The following ATL1 variants were observed in gnomAD, a reference collection of about 807,000 sequenced individuals.
The protein encoded by ATL1 is atlastin GTPase 1.
A neutral mutation model predicts 75.5 loss-of-function variants in ATL1; 31 were observed. That is an observed-to-expected ratio of 0.41 (90% confidence interval 0.31 to 0.55). The LOEUF is 0.55. Among genes scored for constraint, ATL1 ranks in the 20% least tolerant of loss-of-function variants. The pLI, the probability that ATL1 is intolerant of heterozygous loss-of-function variation, is 0.27. For synonymous variants in ATL1, 226 were observed against 233.3 expected, an observed-to-expected ratio of 0.97 and a Z score of 0.28; for missense variants, 405 against 662.6, an observed-to-expected ratio of 0.61 and a Z score of 4.27.
At chr14:50,536,701 G>A (rs1397755545) in intron 1 of ATL1, among the ~76,000 whole-genome samples, 26 of 152,194 alleles carry the variant, frequency 1.7e-4, no homozygotes, top group Non-Finnish European at 4.4e-5. Context: ...TGTTGGAACT[G>A]GAGCAAAGGT....
At chr14:50,564,850 A>G (rs1225494193) in intron 1 of ATL1, among the ~76,000 whole-genome samples, 3 of 152,064 alleles carry the variant, frequency 2.0e-5, no homozygotes, top group African/African-American at 7.2e-5. Flanking sequence ...ATTTAAAACA[A>G]TCTTGAGTGT....
intron 11 of ATL1, 94 bp downstream of exon 11, chr14:50,623,342 C>A: frequency 1.0e-6 from 1 of 968,898 alleles, no homozygotes; most frequent in Non-Finnish European, 1.6e-6. Context: ...ACTGTACACA[C>A]ATGCAATGAG....
chr14:50,597,567 A>G (rs775659073), intron 6 of ATL1, among the ~76,000 whole-genome samples: 32 of 152,258 alleles, frequency 2.1e-4, no homozygotes, highest in South Asian at 4.1e-4. Flanking sequence ...TTATTTAAGC[A>G]GGTTTGTGGG....
At chr14:50,554,602 A>G (rs2038742823) in intron 1 of ATL1, among the ~76,000 whole-genome samples, 1 of 152,244 alleles carries the variant, frequency 6.6e-6, no homozygotes. Flanking sequence ...CTGGAGGAGC[A>G]GGTGTCCCTG....
At chr14:50,566,946 T>C (rs993143724) in intron 1 of ATL1, among the ~76,000 whole-genome samples, 4 of 152,218 alleles carry the variant, frequency 2.6e-5, no homozygotes, top group Admixed American at 6.5e-5. Context: ...TTTTTTTCAG[T>C]TTTTAAAATT....
chr14:50,572,422 G>C (rs2038963015), intron 1 of ATL1, among the ~76,000 whole-genome samples: 1 of 151,994 alleles, frequency 6.6e-6, no homozygotes, highest in South Asian at 2.1e-4. Flanking sequence ...ATTTCTTCTT[G>C]AGTCAGTTTT....
chr14:50,555,073 T>C (rs2038749110), intron 1 of ATL1, among the ~76,000 whole-genome samples: 1 of 152,172 alleles, frequency 6.6e-6, no homozygotes, highest in South Asian at 2.1e-4. Flanking sequence ...GGTATTTGAG[T>C]GGAGATGATG....
intron 12 of ATL1, among the ~76,000 whole-genome samples, chr14:50,628,964 C>T (rs1031078425): frequency 5.3e-5 from 8 of 152,150 alleles, no homozygotes; most frequent in South Asian, 2.1e-4. Flanking sequence ...GCAATCTGCG[C>T]GCCTCAGCCT....
rs534012963 is a variant in ATL1 at position 50,600,951 on chromosome 14, G to C, written c.630+5319G>C. The stretch of plus-strand genomic sequence containing the variant: ...GACTCTATCTCTACAAAAAGTGAAA[G>C]AAAAAAAATCCACAAAGAACTACAG... On this transcript the variant is annotated intron_variant, in intron 6 of 13. Transcript: ENST00000358385. Among the ~76,000 whole-genome samples, 14 of 151,706 alleles carry C rather than the reference G, an allele frequency of 9.2e-5. No individual in the cohort carries two copies. The South Asian group carries it at 2.9e-3, about 32-fold the overall frequency.
intron 6 of ATL1, among the ~76,000 whole-genome samples, chr14:50,596,077 G>A (rs2039213965): frequency 6.6e-6 from 1 of 152,094 alleles, no homozygotes; most frequent in South Asian, 2.1e-4. Context: ...ACTAAGTGAA[G>A]GAAAACAAGT....
chr14:50,623,387 C>G (rs2039486279), intron 11 of ATL1, 139 bp downstream of exon 11: 7 of 676,416 alleles, frequency 1.0e-5, no homozygotes, highest in Admixed American at 9.8e-5. Flanking sequence ...TGTATCACGT[C>G]TATTTATTAT....
chr14:50,568,202 A>T (rs1053441558), intron 1 of ATL1, among the ~76,000 whole-genome samples: 1 of 152,130 alleles, frequency 6.6e-6, no homozygotes, highest in African/African-American at 2.4e-5. Flanking sequence ...TGTCATTGTT[A>T]TATATTCAAA....
intron 6 of ATL1, among the ~76,000 whole-genome samples, chr14:50,601,530 G>A (rs1288441502): frequency 6.6e-6 from 1 of 152,176 alleles, no homozygotes; most frequent in Non-Finnish European, 1.5e-5. Context: ...CCAATTTCAA[G>A]CTACCATGAC....
At chr14:50,582,696 G>T (rs2039068183) in intron 1 of ATL1, among the ~76,000 whole-genome samples, 1 of 151,754 alleles carries the variant, frequency 6.6e-6, no homozygotes, top group Non-Finnish European at 1.5e-5. Flanking sequence ...AAAGTGCTGG[G>T]ATTACAAGTG....
At chr14:50,573,895 C>G (rs536917617) in intron 1 of ATL1, among the ~76,000 whole-genome samples, 1 of 152,080 alleles carries the variant, frequency 6.6e-6, no homozygotes, top group Non-Finnish European at 1.5e-5. Context: ...TGCCACAAAC[C>G]TCTTTATCTC....
intron 1 of ATL1, among the ~76,000 whole-genome samples, chr14:50,539,680 A>G (rs542296208): frequency 6.6e-6 from 1 of 152,338 alleles, no homozygotes; most frequent in African/African-American, 2.4e-5. Context: ...GTATAGCCCT[A>G]ATGGGGAAGT....
chr14:50,560,419 CG>C (rs2038823071), intron 1 of ATL1, 120 bp downstream of exon 1: 1 of 1,326,430 alleles, frequency 7.5e-7, no homozygotes, highest in Admixed American at 2.0e-5. Context: ...GGCTGGGAGA[CG>C]GGCCGTAGCC....
chr14:50,536,705 C>A (rs2038497593), intron 1 of ATL1, among the ~76,000 whole-genome samples: 1 of 152,138 alleles, frequency 6.6e-6, no homozygotes, highest in African/African-American at 2.4e-5. Context: ...GGAACTGGAG[C>A]AAAGGTGACT....
Position 50,615,172 on chromosome 14 carries a change from C to T in ATL1, c.862+661C>T, listed in dbSNP as rs1161994428. 2.0e-5 allele frequency among the ~76,000 whole-genome samples: 3 copies of T among 152,110 alleles called. No homozygotes were observed. In the South Asian group the frequency reaches 6.2e-4, roughly 32 times the overall value. Reference sequence around the variant, plus strand: ...TGAGGAAATGGAAGTTAATCTTTCCCAAAAGATATCCACCAGGTCTGTAGA... The same window carrying T: ...TGAGGAAATGGAAGTTAATCTTTCCTAAAAGATATCCACCAGGTCTGTAGA... On this transcript the variant is annotated intron_variant, in intron 8 of 13. Coordinates refer to ENST00000358385, the MANE Select transcript of ATL1 (RefSeq NM_015915.5).
Sources: gnomAD v4.1 joint callset for allele counts (sites outside exome capture counted in the v4.1 genomes callset) on GRCh38, gnomAD v4.1.1 for gene constraint, MANE v1.5 for transcripts, NCBI Gene and HGNC (gene_info 2026-07-23, HGNC 2026-07-21) for gene names.